DAO: variants seen among roughly 807,000 people sequenced by gnomAD.
DAO encodes the protein D-amino-acid oxidase.
DAO carries 51 observed loss-of-function variants against 50.1 expected under a neutral mutation model. That is an observed-to-expected ratio of 1.02 (90% confidence interval 0.81 to 1.29). The LOEUF (loss-of-function observed/expected upper bound fraction) is 1.29, where lower values mean the gene tolerates loss of function less well. Among genes scored for constraint, DAO ranks in the 50% most tolerant of loss-of-function variants. The pLI, the probability that DAO is intolerant of heterozygous loss-of-function variation, is 0.00. For missense variants in DAO, 436 were observed against 439.4 expected (o/e 0.99, Z 0.07); for synonymous variants, 160 against 166.2 (o/e 0.96, Z 0.29).
intron 2 of DAO, among the ~76,000 whole-genome samples, chr12:108,885,813 G>A (rs1175184708): frequency 1.3e-5 from 2 of 152,140 alleles, no homozygotes; most frequent in African/African-American, 4.8e-5. Flanking sequence ...GGAGTGCAAT[G>A]GCGTGATCCT....
At chr12:108,889,597 C>A in intron 4 of DAO, 52 bp downstream of exon 4, 3 of 1,440,876 alleles carry the variant, frequency 2.1e-6, no homozygotes, top group South Asian at 2.3e-5. Flanking sequence ...AGTTAGCAGA[C>A]CTGTCCAGAA....
At chr12:108,899,859 A>C in intron 10 of DAO, 1 of 332,974 alleles carries the variant, frequency 3.0e-6, no homozygotes, top group Admixed American at 4.4e-5. Context: ...CTCATTGGCA[A>C]TATTAATCGT....
intron 8 of DAO, 65 bp downstream of exon 8, chr12:108,897,153 C>A: frequency 3.5e-6 from 4 of 1,155,722 alleles, no homozygotes; most frequent in Non-Finnish European, 5.2e-6. Flanking sequence ...GACCCTGCTG[C>A]CTCCCCCAAG....
intron 7 of DAO, among the ~76,000 whole-genome samples, chr12:108,895,981 G>C (rs1036037660): frequency 6.6e-6 from 1 of 151,612 alleles, no homozygotes; most frequent in African/African-American, 2.4e-5. Flanking sequence ...ATGCACCTGT[G>C]ACTCCTTTTT....
intron 7 of DAO, among the ~76,000 whole-genome samples, chr12:108,896,750 G>A (rs1566039689): frequency 6.6e-6 from 1 of 152,174 alleles, no homozygotes; most frequent in African/African-American, 2.4e-5. Flanking sequence ...GCATTTACAT[G>A]TGTGTACTGG....
Position 108,899,374 on chromosome 12 carries a change from C to G in DAO, c.814-3C>G. 1 of 1,611,908 alleles carries G rather than the reference C, an allele frequency of 6.2e-7. No homozygotes were observed. The highest frequency in any genetic ancestry group is 8.5e-7 in the Non-Finnish European group (1 of 1,178,836). On this transcript the variant is annotated splice_polypyrimidine_tract_variant and splice_region_variant and intron_variant, in intron 9 of 10. Coordinates refer to ENST00000228476, the MANE Select transcript of DAO (RefSeq NM_001917.5). ...AATGAGTGATCAGCACTTTTCTTTC[C>G]AGAATGCAAGAATTATTGGTGAACG...
intron 2 of DAO, among the ~76,000 whole-genome samples, chr12:108,885,881 A>T (rs2039431574): frequency 6.6e-6 from 1 of 152,136 alleles, no homozygotes; most frequent in African/African-American, 2.4e-5. Flanking sequence ...CAGCTTCCCA[A>T]GTAACTGGGA....
intron 10 of DAO, chr12:108,900,166 T>G: frequency 2.0e-6 from 1 of 488,856 alleles, no homozygotes; most frequent in Non-Finnish European, 3.8e-6. Context: ...TGGGATGTGA[T>G]TTGAATTTGA....
chr12:108,885,874 C>T (rs1239747321), intron 2 of DAO, among the ~76,000 whole-genome samples: 2 of 152,210 alleles, frequency 1.3e-5, no homozygotes, highest in Admixed American at 1.3e-4. Flanking sequence ...CCTGCCTCAG[C>T]TTCCCAAGTA....
chr12:108,888,732 T>C (rs11114085), intron 3 of DAO, among the ~76,000 whole-genome samples: 26,114 of 152,130 alleles, frequency 0.17, 3,314 homozygotes, highest in East Asian at 0.48. Context: ...CTATGCTCTG[T>C]TGTCTGACAC....
chr12:108,900,377 G>A (rs764489974), intron 10 of DAO, 27 bp from the exon 11 acceptor site: 2 of 1,613,124 alleles, frequency 1.2e-6, no homozygotes, highest in South Asian at 2.2e-5. Context: ...TCTCGGACCT[G>A]GCCACCTTCT....
In DAO at chr12:108,885,055, C is replaced by T. The variant is rs1465408785; in HGVS notation, c.49C>T (p.Leu17Phe). The T allele has an allele frequency of 1.2e-6, 2 of 1,614,184 alleles. No homozygotes were observed. The highest frequency in any genetic ancestry group is 1.7e-6 in the Non-Finnish European group (2 of 1,180,040). The change falls in exon 2 of 11, where the codon CTC becomes TTC. Residue 17 changes from leucine to phenylalanine, a missense_variant. By Grantham distance (22) the Leu-to-Phe change is conservative. Coordinates refer to ENST00000228476, the MANE Select transcript of DAO (RefSeq NM_001917.5). Reference protein sequence around the residue: ...GAGVIGLSTALCIHERYHSVL... With the variant: ...GAGVIGLSTAFCIHERYHSVL... ...AGGAGTCATCGGGCTGTCCACCGCC[C>T]TCTGCATCCATGAGCGCTACCACTC...
chr12:108,886,660 C>A (rs1203276843), intron 2 of DAO, among the ~76,000 whole-genome samples: 1 of 152,058 alleles, frequency 6.6e-6, no homozygotes, highest in Non-Finnish European at 1.5e-5. Context: ...GAGCCAGGGT[C>A]TTCCTATGTT....
intron 6 of DAO, among the ~76,000 whole-genome samples, chr12:108,893,359 G>A (rs2039512526): frequency 6.6e-6 from 1 of 152,256 alleles, no homozygotes; most frequent in Middle Eastern, 3.4e-3. Context: ...TTGCTTCCTA[G>A]CCCTACCGAC....
chr12:108,881,749 C>T (rs1050572642), intron 1 of DAO, among the ~76,000 whole-genome samples: 9 of 151,662 alleles, frequency 5.9e-5, no homozygotes, highest in Admixed American at 2.6e-4. Context: ...GAATTTCAGG[C>T]GTGCACCACC....
intron 1 of DAO, among the ~76,000 whole-genome samples, chr12:108,882,583 T>C (rs1475747764): frequency 6.6e-6 from 1 of 152,200 alleles, no homozygotes; most frequent in Admixed American, 6.5e-5. Flanking sequence ...CTGGTTTGCC[T>C]GGGACTCTGA....
At chr12:108,887,386 C>G in intron 2 of DAO, 64 bp from the exon 3 acceptor site, 3 of 1,203,068 alleles carry the variant, frequency 2.5e-6, no homozygotes, top group South Asian at 1.2e-5. Flanking sequence ...CCCATGCCAG[C>G]TGACCTAAGG....
chr12:108,893,565 T>C (rs2039514351), intron 6 of DAO, among the ~76,000 whole-genome samples: 1 of 152,198 alleles, frequency 6.6e-6, no homozygotes, highest in Non-Finnish European at 1.5e-5. Context: ...ATGTAGCTAC[T>C]AGTGCTATGT....
chr12:108,898,128 T>A (rs954101542), intron 8 of DAO, among the ~76,000 whole-genome samples: 11 of 152,000 alleles, frequency 7.2e-5, no homozygotes, highest in Non-Finnish European at 1.6e-4. Flanking sequence ...AATATTGTAT[T>A]GATGGGGAAG....
Sources: gnomAD v4.1 joint callset for allele counts (sites outside exome capture counted in the v4.1 genomes callset) on GRCh38, gnomAD v4.1.1 for gene constraint, MANE v1.5 for transcripts, NCBI Gene and HGNC (gene_info 2026-07-23, HGNC 2026-07-21) for gene names.